DENND5A: variants seen among roughly 807,000 people sequenced by gnomAD.
The protein encoded by DENND5A is DENN domain containing 5A, also known as DENN domain-containing protein 5A.
DENND5A carries 64 observed loss-of-function variants against 140.3 expected under a neutral mutation model. That is an observed-to-expected ratio of 0.46 (90% confidence interval 0.37 to 0.56). DENND5A has a LOEUF of 0.56. Ranked by LOEUF, DENND5A falls within the 20% of genes least tolerant of loss-of-function variation. The pLI is 0.00. For synonymous variants in DENND5A, 605 were observed against 607.7 expected, an observed-to-expected ratio of 1.00 and a Z score of 0.07; for missense variants, 1,292 against 1,593.8, an observed-to-expected ratio of 0.81 and a Z score of 3.22.
intron 1 of DENND5A, among the ~76,000 whole-genome samples, chr11:9,233,900 G>A (rs1850882660): frequency 6.6e-6 from 1 of 152,144 alleles, no homozygotes; most frequent in African/African-American, 2.4e-5. Context: ...AATATAGGCT[G>A]GGTGCAGTGG....
intron 1 of DENND5A, among the ~76,000 whole-genome samples, chr11:9,230,203 C>A (rs2136249439): frequency 6.7e-6 from 1 of 149,388 alleles, no homozygotes; most frequent in South Asian, 2.1e-4. Context: ...GCCACCGCGC[C>A]CGGCCCCATT....
At chr11:9,147,185 C>T (rs1320108471) in intron 15 of DENND5A, 34 bp from the exon 16 acceptor site, 1 of 1,605,638 alleles carries the variant, frequency 6.2e-7, no homozygotes, top group African/African-American at 1.3e-5. Flanking sequence ...CAGTCTCCGA[C>T]CAAAAGGAAG....
intron 17 of DENND5A, chr11:9,145,447 G>A (rs776496521): frequency 2.5e-5 from 15 of 606,050 alleles, no homozygotes; most frequent in African/African-American, 5.6e-5. Context: ...AGATGTGCAT[G>A]TCCAGACAAG....
intron 5 of DENND5A, among the ~76,000 whole-genome samples, chr11:9,192,658 A>AG (rs2136194433): frequency 6.6e-6 from 1 of 151,684 alleles, no homozygotes; most frequent in East Asian, 1.9e-4. Context: ...CAAAAAAAAA[A>AG]CTCTACCCCC....
chr11:9,203,753 C>A lies in DENND5A; in HGVS notation c.856G>T (p.Val286Phe). 1 of 1,614,182 alleles carries A rather than the reference C, an allele frequency of 6.2e-7. No homozygotes were observed. The highest frequency in any genetic ancestry group is 8.5e-7 in the Non-Finnish European group (1 of 1,180,038). Residue 286 changes from valine (V) to phenylalanine (F), a missense_variant, in exon 4 of 23, where the codon GTC (valine) becomes TTC (phenylalanine). By Grantham distance (50) the Val-to-Phe change is conservative. Transcript: ENST00000328194. ...CCGAGCAGTTCAAAAACCTCTTTGA[C>A]AGGAAAGTCAAATAGGGGAAGCTCA... ...TNELPLFDFP[V>F]KEVFELLGVE...
At chr11:9,159,830 T>TA (rs1399783374) in intron 12 of DENND5A, among the ~76,000 whole-genome samples, 1 of 152,220 alleles carries the variant, frequency 6.6e-6, no homozygotes, top group Non-Finnish European at 1.5e-5. Context: ...ACTTGTTACT[T>TA]ATTTTAACTA....
At chr11:9,235,677 A>G (rs1196541945) in intron 1 of DENND5A, among the ~76,000 whole-genome samples, 1 of 151,846 alleles carries the variant, frequency 6.6e-6, no homozygotes, top group African/African-American at 2.4e-5. Flanking sequence ...AAAAAGAAAA[A>G]AAATCACGCT....
intron 17 of DENND5A, 55 bp downstream of exon 17, chr11:9,145,615 A>C (rs1590204715): frequency 6.2e-7 from 1 of 1,601,904 alleles, no homozygotes; most frequent in East Asian, 2.2e-5. Flanking sequence ...AACTCCCCAA[A>C]GCGGCTGTTG....
intron 15 of DENND5A, among the ~76,000 whole-genome samples, chr11:9,148,234 T>G (rs1001987706): frequency 6.6e-6 from 1 of 152,028 alleles, no homozygotes; most frequent in Non-Finnish European, 1.5e-5. Context: ...TAGACAACTG[T>G]TGTACAGACA....
At chr11:9,141,001 C>T (rs1410793980) in intron 22 of DENND5A, among the ~76,000 whole-genome samples, 2 of 152,182 alleles carry the variant, frequency 1.3e-5, no homozygotes, top group African/African-American at 4.8e-5. Flanking sequence ...TGGCGCATGC[C>T]TGTAATCCCA....
chr11:9,169,792 G>A (rs1848311488), intron 10 of DENND5A, 64 bp downstream of exon 10: 1 of 1,027,748 alleles, frequency 9.7e-7, no homozygotes, highest in East Asian at 2.4e-5. Flanking sequence ...AACAGGAAAT[G>A]AGAAAGAGAA....
intron 10 of DENND5A, 152 bp from the exon 11 acceptor site, chr11:9,166,119 G>GC (rs1848184328): frequency 4.7e-6 from 3 of 642,970 alleles, no homozygotes; most frequent in African/African-American, 2.0e-5. Context: ...TTGCTCTGTC[G>GC]CCAGGCTGGA....
chr11:9,166,409 T>G (rs1440835548), intron 10 of DENND5A, among the ~76,000 whole-genome samples: 2 of 152,194 alleles, frequency 1.3e-5, no homozygotes, highest in Non-Finnish European at 2.9e-5. Context: ...TGCCTCTTTC[T>G]AGGCTCAGAT....
chr11:9,153,473 AGCT>A (rs1460367340), intron 12 of DENND5A, among the ~76,000 whole-genome samples: 1 of 151,284 alleles, frequency 6.6e-6, no homozygotes, highest in Non-Finnish European at 1.5e-5. Flanking sequence ...CTTCCATCTT[AGCT>A]CCTGAATTTC....
intron 4 of DENND5A, among the ~76,000 whole-genome samples, chr11:9,202,048 T>C (rs1296419475): frequency 6.6e-6 from 1 of 152,310 alleles, no homozygotes; most frequent in East Asian, 1.9e-4. Flanking sequence ...TATAATGCAC[T>C]GAGAGAAGCA....
intron 8 of DENND5A, chr11:9,176,713 T>A: frequency 3.1e-6 from 1 of 325,792 alleles, no homozygotes; most frequent in Non-Finnish European, 6.1e-6. Context: ...CAGAGAAGGT[T>A]TCATAGAGAA....
At chr11:9,177,968 A>C (rs1848600537) in intron 8 of DENND5A, 164 bp downstream of exon 8, 2 of 655,874 alleles carry the variant, frequency 3.0e-6, no homozygotes, top group Non-Finnish European at 5.5e-6. Context: ...AAAGGATGAG[A>C]AGAAGATAAC....
chr11:9,203,934 T>G lies in DENND5A; in HGVS notation c.675A>C (p.Gln225His). The change falls in exon 4 of 23, where the codon CAA becomes CAC. Residue 225 changes from glutamine to histidine, a missense_variant. Gln to His is a conservative substitution (Grantham distance 24). Coordinates refer to ENST00000328194, the MANE Select transcript of DENND5A (RefSeq NM_015213.4). ...FMKACRSVLE[Q>H]LHQAVTSPQP... is the part of the protein sequence containing the mutation. ...GAGGTGAAGTGACTGCCTGGTGGAG[T>G]TGCTCCAGCACGCTCCGACATGCCT... 6.2e-7 allele frequency: 1 copy of G among 1,613,526 alleles called. No homozygotes were observed. Among genetic ancestry groups the G allele is most frequent in the Non-Finnish European group, 8.5e-7 (1 of 1,179,858 alleles).
intron 4 of DENND5A, among the ~76,000 whole-genome samples, chr11:9,196,988 T>G (rs758827987): frequency 9.9e-5 from 15 of 151,232 alleles, no homozygotes; most frequent in South Asian, 2.1e-4. Context: ...TTAATACACA[T>G]ATATTCAACA....
Sources: allele counts gnomAD v4.1 joint callset (sites outside exome capture counted in the v4.1 genomes callset), GRCh38; gene constraint gnomAD v4.1.1; transcripts MANE v1.5; gene names NCBI Gene and HGNC (gene_info 2026-07-23, HGNC 2026-07-21).